The following CA10 variants were observed in gnomAD, a reference collection of about 807,000 sequenced individuals.
CA10 encodes the protein carbonic anhydrase 10 (inactive).
CA10 carries 14 observed loss-of-function variants against 44.2 expected under a neutral mutation model. The ratio of observed to expected loss-of-function variants is 0.32; its 90% CI spans 0.21 to 0.50. CA10 has a LOEUF of 0.50. CA10 is among the 20% of genes least tolerant of loss of function. The pLI, the probability that CA10 is intolerant of heterozygous loss-of-function variation, is 0.99. For synonymous variants in CA10, 159 were observed against 141.6 expected, an observed-to-expected ratio of 1.12 and a Z score of -0.87; for missense variants, 350 against 409.7, an observed-to-expected ratio of 0.85 and a Z score of 1.26.
chr17:51,696,603 G>T (rs745774744), intron 4 of CA10, among the ~76,000 whole-genome samples: 3 of 152,146 alleles, frequency 2.0e-5, no homozygotes, highest in Non-Finnish European at 4.4e-5. Flanking sequence ...CTCAATTTTA[G>T]TTATTTCTTC....
At chr17:52,114,049 T>A (rs1341630707) in intron 1 of CA10, among the ~76,000 whole-genome samples, 2 of 152,154 alleles carry the variant, frequency 1.3e-5, no homozygotes, top group African/African-American at 4.8e-5. Flanking sequence ...CAGAGTAGCC[T>A]CCCCAGAGTC....
chr17:51,871,804 A>G (rs541276729), intron 3 of CA10, among the ~76,000 whole-genome samples: 1 of 152,108 alleles, frequency 6.6e-6, no homozygotes, highest in African/African-American at 2.4e-5. Context: ...GCCCTTTTCT[A>G]TGTACCAGAG....
At chr17:52,079,061 C>T (rs1038678906) in intron 1 of CA10, among the ~76,000 whole-genome samples, 27 of 152,202 alleles carry the variant, frequency 1.8e-4, no homozygotes, top group African/African-American at 4.6e-4. Context: ...CCGGGGCACG[C>T]GGATCACGAG....
At chr17:51,843,358 A>T (rs1284844897) in intron 3 of CA10, among the ~76,000 whole-genome samples, 1 of 152,230 alleles carries the variant, frequency 6.6e-6, no homozygotes, top group African/African-American at 2.4e-5. Context: ...ATAAACCGTG[A>T]CATTTATAAG....
chr17:52,051,024 G>C (rs1291416871), intron 2 of CA10, among the ~76,000 whole-genome samples: 1 of 148,046 alleles, frequency 6.8e-6, no homozygotes, highest in African/African-American at 2.6e-5. Flanking sequence ...AACGAAGGAA[G>C]GAAGGAAGGG....
intron 4 of CA10, among the ~76,000 whole-genome samples, chr17:51,674,991 A>G (rs1914565763): frequency 6.6e-6 from 1 of 152,208 alleles, no homozygotes; most frequent in Non-Finnish European, 1.5e-5. Flanking sequence ...CATTAACACG[A>G]AATTAACATG....
chr17:51,839,207 C>T (rs1274028324), intron 3 of CA10, among the ~76,000 whole-genome samples: 1 of 152,132 alleles, frequency 6.6e-6, no homozygotes, highest in African/African-American at 2.4e-5. Flanking sequence ...GAAGGCACTA[C>T]CTTGGCCGGG....
At chr17:52,063,507 A>C (rs1198297570) in intron 2 of CA10, among the ~76,000 whole-genome samples, 1 of 152,192 alleles carries the variant, frequency 6.6e-6, no homozygotes, top group Non-Finnish European at 1.5e-5. Context: ...TTTGGGTCAT[A>C]GAGGCAGATC....
intron 2 of CA10, among the ~76,000 whole-genome samples, chr17:51,956,357 C>T (rs1241363763): frequency 6.6e-6 from 1 of 152,048 alleles, no homozygotes; most frequent in South Asian, 2.1e-4. Flanking sequence ...ATTTGATTGC[C>T]TTGTATGTTG....
At chr17:51,939,872 G>T (rs1184816218) in intron 2 of CA10, among the ~76,000 whole-genome samples, 2 of 151,702 alleles carry the variant, frequency 1.3e-5, no homozygotes, top group Admixed American at 6.6e-5. Context: ...TTGATATTTT[G>T]CTATATAAGG....
chr17:51,665,312 C>G (rs991437813), intron 4 of CA10, among the ~76,000 whole-genome samples: 10 of 152,080 alleles, frequency 6.6e-5, no homozygotes, highest in African/African-American at 2.2e-4. Context: ...AGAAAGAGCA[C>G]AGGGCTGGGA....
In CA10 at chr17:51,631,456, G is replaced by A. The variant is rs1912567954; in HGVS notation, c.*128C>T. The stretch of plus-strand genomic sequence containing the variant: ...TGCAGACACTTTTCATGAAGAAAGG[G>A]CCAATCCCAAGAATGAATGAGGCTT... On this transcript the variant is annotated 3_prime_UTR_variant, in exon 9 of 9. Transcript: ENST00000451037. 1 of 883,488 alleles carries A rather than the reference G, an allele frequency of 1.1e-6. No homozygotes were observed. Among genetic ancestry groups the A allele is most frequent in the Non-Finnish European group, 1.9e-6 (1 of 529,902 alleles). 54.7% of individuals were successfully genotyped at this position (883,488 alleles called of 1,614,324 possible).
intron 2 of CA10, among the ~76,000 whole-genome samples, chr17:52,067,899 G>C (rs1987578168): frequency 6.6e-6 from 1 of 152,244 alleles, no homozygotes; most frequent in Non-Finnish European, 1.5e-5. Context: ...TATCCAGGAA[G>C]TAACTAAGTT....
intron 1 of CA10, among the ~76,000 whole-genome samples, chr17:52,094,118 G>A (rs954652295): frequency 6.6e-6 from 1 of 152,024 alleles, no homozygotes; most frequent in African/African-American, 2.4e-5. Flanking sequence ...CACAGGGAGC[G>A]GAACATCACA....
At chr17:51,734,873 A>AGTTCTTGG (rs1916846418) in intron 4 of CA10, among the ~76,000 whole-genome samples, 8 of 151,828 alleles carry the variant, frequency 5.3e-5, no homozygotes, top group African/African-American at 1.9e-4. Flanking sequence ...GTCCAAGATC[A>AGTTCTTGG]ACACACCAGC....
chr17:51,868,269 A>G (rs142199302), intron 3 of CA10, among the ~76,000 whole-genome samples: 1 of 152,334 alleles, frequency 6.6e-6, no homozygotes. Flanking sequence ...AAAGGGTTTT[A>G]CACAAAGCAC....
intron 1 of CA10, among the ~76,000 whole-genome samples, chr17:52,155,768 T>C (rs1948406804): frequency 6.6e-6 from 1 of 152,260 alleles, no homozygotes; most frequent in African/African-American, 2.4e-5. Context: ...CAATTTTGCT[T>C]ACACTTTTAT....
At chr17:51,938,896 T>C (rs111687914) in intron 2 of CA10, among the ~76,000 whole-genome samples, 4 of 152,102 alleles carry the variant, frequency 2.6e-5, no homozygotes, top group African/African-American at 7.2e-5. Flanking sequence ...ACCTGGCCAG[T>C]AGGTTAGGGA....
rs1491192056 is a variant in CA10 at position 51,707,669 on chromosome 17, A to ATGTGTGTGTGTGTGTGTGTGTG, written c.465+39963_465+39964insCACACACACACACACACACACA. Among the ~76,000 whole-genome samples the ATGTGTGTGTGTGTGTGTGTGTG allele has an allele frequency of 1.3e-4, 5 of 39,824 alleles. No homozygotes were observed. In the East Asian group the frequency reaches 5.7e-3, roughly 46 times the overall value. The allele number at this position is 39,824 out of a possible 152,430, so 26.1% of individuals were successfully genotyped here. On this transcript the variant is annotated intron_variant, in intron 4 of 8. Transcript: ENST00000451037. ...GTGTGCAGGGAAGGAAAGTGGATGAATATGTGTGTGTGTGTGTGTGTGTGT... is the reference window on the plus strand; with the variant it reads ...GTGTGCAGGGAAGGAAAGTGGATGAATGTGTGTGTGTGTGTGTGTGTGTATGTGTGTGTGTGTGTGTGTGTGT...
Sources: gnomAD v4.1 joint callset for allele counts (sites outside exome capture counted in the v4.1 genomes callset) on GRCh38, gnomAD v4.1.1 for gene constraint, MANE v1.5 for transcripts, NCBI Gene and HGNC (gene_info 2026-07-23, HGNC 2026-07-21) for gene names.